The following FMN2 variants were observed in gnomAD, a reference collection of about 807,000 sequenced individuals.
FMN2 encodes the protein formin 2.
Under a neutral mutation model 142.3 loss-of-function variants are expected in FMN2, and 51 were observed. The observed-to-expected ratio is 0.36, with a 90% CI of 0.29 to 0.45. FMN2 has a LOEUF of 0.45. FMN2 is among the 20% of genes least tolerant of loss of function. FMN2 has a pLI of 1.00. For synonymous variants in FMN2, 882 were observed against 869.8 expected, an observed-to-expected ratio of 1.01 and a Z score of -0.25; for missense variants, 1,936 against 2,122.8, an observed-to-expected ratio of 0.91 and a Z score of 1.73.
At chr1:240,143,539 A>G in intron 2 of FMN2, 1 of 1,596,164 alleles carries the variant, frequency 6.3e-7, no homozygotes, top group African/African-American at 1.3e-5. Flanking sequence ...TTCGCTGCAA[A>G]CGTGGAGCAG....
intron 6 of FMN2, among the ~76,000 whole-genome samples, chr1:240,225,487 C>T (rs1032496034): frequency 2.6e-4 from 40 of 152,298 alleles, no homozygotes; most frequent in African/African-American, 8.9e-4. Context: ...TCAGGCTGCT[C>T]ACTGAGCCAG....
rs188523069 is a variant in FMN2 at position 240,346,669 on chromosome 1, T to A, written c.4766-9147T>A. On this transcript the variant is annotated intron_variant, in intron 13 of 17. Coordinates refer to ENST00000319653, the MANE Select transcript of FMN2 (RefSeq NM_020066.5). ...CTTTACATGTAACGTACATGTTATG[T>A]ATGCTCCGTAGTACTTCTTTAATAA... is the stretch of plus-strand genomic sequence containing the variant. 7.9e-5 allele frequency among the ~76,000 whole-genome samples: 12 copies of A among 152,320 alleles called. No individual in the cohort carries two copies. In the East Asian group the frequency reaches 2.3e-3, roughly 29 times the overall value.
intron 14 of FMN2, among the ~76,000 whole-genome samples, chr1:240,390,182 T>C (rs1216617650): frequency 6.6e-6 from 1 of 152,212 alleles, no homozygotes; most frequent in Admixed American, 6.5e-5. Flanking sequence ...CTCATTTGAC[T>C]GTTTATCAAA....
intron 1 of FMN2, among the ~76,000 whole-genome samples, chr1:240,122,370 G>A (rs1025339871): frequency 3.9e-5 from 6 of 151,948 alleles, no homozygotes; most frequent in African/African-American, 1.5e-4. Flanking sequence ...TTCAAGCTCC[G>A]CCACCCAGGT....
At chr1:240,173,117 G>T (rs576420103) in intron 2 of FMN2, among the ~76,000 whole-genome samples, 62 of 152,072 alleles carry the variant, frequency 4.1e-4, no homozygotes, top group African/African-American at 1.3e-3. Flanking sequence ...TGTATTTTTA[G>T]TAGAAAAGGG....
At chr1:240,424,637 C>T (rs1048599875) in intron 15 of FMN2, among the ~76,000 whole-genome samples, 6 of 152,156 alleles carry the variant, frequency 3.9e-5, no homozygotes, top group African/African-American at 1.4e-4. Flanking sequence ...AACCTTCACT[C>T]GTAGACCTTA....
At chr1:240,290,294 G>A (rs1431030938) in intron 7 of FMN2, among the ~76,000 whole-genome samples, 1 of 152,102 alleles carries the variant, frequency 6.6e-6, no homozygotes, top group Non-Finnish European at 1.5e-5. Flanking sequence ...TTTTTTAACA[G>A]CATGCTTTAA....
At chr1:240,099,255 A>G (rs1315585155) in intron 1 of FMN2, among the ~76,000 whole-genome samples, 1 of 152,190 alleles carries the variant, frequency 6.6e-6, no homozygotes, top group Admixed American at 6.5e-5. Flanking sequence ...AATTGTATAC[A>G]AAACTTAGCA....
intron 8 of FMN2, among the ~76,000 whole-genome samples, chr1:240,300,312 T>C (rs1670152342): frequency 6.6e-6 from 1 of 152,208 alleles, no homozygotes; most frequent in Non-Finnish European, 1.5e-5. Context: ...GTTGAATGAA[T>C]GAACCCTTTG....
rs12046854 is a variant in FMN2 at position 240,251,157 on chromosome 1, A to G, written c.4066-6788A>G. Among the ~76,000 whole-genome samples the G allele has an allele frequency of 1.9e-4, 29 of 151,470 alleles. No homozygotes were observed. In the East Asian group the frequency reaches 5.6e-3, roughly 29 times the overall value. On this transcript the variant is annotated intron_variant, in intron 6 of 17. Transcript: ENST00000319653. The stretch of plus-strand genomic sequence containing the variant: ...TTGCTTTTCTGGTTCCTTGATATAC[A>G]CTGTTAGATTGTTTATTTGAGATCT...
At chr1:240,269,181 GT>G (rs1302637149) in intron 7 of FMN2, among the ~76,000 whole-genome samples, 1 of 151,982 alleles carries the variant, frequency 6.6e-6, no homozygotes, top group Non-Finnish European at 1.5e-5. Context: ...TAGTTTTATA[GT>G]TTTAAGTCTT....
rs778299668 is a variant in FMN2, at chr1:240,356,210, A to G, written c.4858+302A>G. Reference sequence around the variant, plus strand: ...ATAGCTCATCTTTTAAAAGACATTAACAATTCTGTGCTTTTTGTGATAGAA... The same window carrying G: ...ATAGCTCATCTTTTAAAAGACATTAGCAATTCTGTGCTTTTTGTGATAGAA... On this transcript the variant is annotated intron_variant, in intron 14 of 17. Transcript: ENST00000319653. Among the ~76,000 whole-genome samples the G allele has an allele frequency of 5.2e-4, 79 of 152,214 alleles. 1 individual carries two copies. The highest frequency in any genetic ancestry group is 6.8e-3 in the Middle Eastern group (2 of 294).
At chr1:240,388,855 T>TC (rs1673505656) in intron 14 of FMN2, among the ~76,000 whole-genome samples, 1 of 94,782 alleles carries the variant, frequency 1.1e-5, no homozygotes, top group Admixed American at 1.3e-4. Context: ...AGAGCAAAAC[T>TC]CCATCTCAAA....
At chr1:240,188,149 GAAGA>G (rs1665558444) in intron 3 of FMN2, 54 bp from the exon 4 acceptor site, 1 of 1,528,380 alleles carries the variant, frequency 6.5e-7, no homozygotes, top group South Asian at 1.2e-5. Flanking sequence ...TTTTCTGATT[GAAGA>G]AATAGGAAAA....
intron 8 of FMN2, among the ~76,000 whole-genome samples, chr1:240,297,872 T>A (rs541999094): frequency 5.3e-5 from 8 of 152,136 alleles, no homozygotes; most frequent in Admixed American, 2.6e-4. Context: ...TGGGATCTGG[T>A]GAGGGCCCTC....
intron 7 of FMN2, among the ~76,000 whole-genome samples, chr1:240,263,240 C>A (rs1668689311): frequency 6.6e-6 from 1 of 152,166 alleles, no homozygotes; most frequent in Non-Finnish European, 1.5e-5. Flanking sequence ...ACCTCTCTGT[C>A]TTTATAGGGG....
intron 15 of FMN2, among the ~76,000 whole-genome samples, chr1:240,411,980 A>G (rs1674410012): frequency 6.6e-6 from 1 of 152,210 alleles, no homozygotes; most frequent in African/African-American, 2.4e-5. Context: ...ATAAACAGAT[A>G]GGAGCAGAAA....
chr1:240,144,194 G>A lies in FMN2; in HGVS notation c.1782+20849G>A, dbSNP rs181128667. ...CCTTGTTCTTGTAAAGCCATTTGTT[G>A]CCATCATCGTTAGCAGCTTGTCTTA... On this transcript the variant is annotated intron_variant, in intron 2 of 17. Transcript: ENST00000319653. The A allele has an allele frequency of 4.1e-5, 62 of 1,494,044 alleles. No homozygotes were observed. In the African/African-American group the frequency reaches 6.1e-4, roughly 15 times the overall value. 92.5% of individuals were successfully genotyped at this position (1,494,044 alleles called of 1,614,324 possible). A position where few individuals can be genotyped will look rare whatever the true frequency, so the allele number is the denominator to read the frequency against.
chr1:240,355,752 T>C, intron 13 of FMN2, 64 bp from the exon 14 acceptor site: 1 of 1,147,102 alleles, frequency 8.7e-7, no homozygotes, highest in Non-Finnish European at 1.3e-6. Flanking sequence ...TAAGATGTTT[T>C]CAAAATTGCC....
Sources: allele counts gnomAD v4.1 joint callset (sites outside exome capture counted in the v4.1 genomes callset), GRCh38; gene constraint gnomAD v4.1.1; transcripts MANE v1.5; gene names NCBI Gene and HGNC (gene_info 2026-07-23, HGNC 2026-07-21).